COL24A1: variants seen among roughly 807,000 people sequenced by gnomAD.
The protein encoded by COL24A1 is collagen alpha-1(XXIV) chain.
COL24A1 carries 224 observed loss-of-function variants against 253.9 expected under a neutral mutation model. The ratio of observed to expected loss-of-function variants is 0.88; its 90% CI spans 0.79 to 0.99. The LOEUF is 0.99. COL24A1 is among the 50% of genes least tolerant of loss of function. The pLI is 0.00. For missense variants in COL24A1, 2,131 were observed against 2,068.5 expected, an observed-to-expected ratio of 1.03 and a Z score of -0.59; for synonymous variants, 685 against 673.7, an observed-to-expected ratio of 1.02 and a Z score of -0.26.
intron 53 of COL24A1, among the ~76,000 whole-genome samples, chr1:85,769,743 T>C (rs1282577525): frequency 6.6e-6 from 1 of 152,180 alleles, no homozygotes. Flanking sequence ...CCCCAGATCC[T>C]TCCCCTTCTC....
At chr1:85,960,190 G>T (rs1690881665) in intron 24 of COL24A1, among the ~76,000 whole-genome samples, 1 of 152,056 alleles carries the variant, frequency 6.6e-6, no homozygotes, top group Non-Finnish European at 1.5e-5. Context: ...AATTATTTAA[G>T]CCTATAAAAC....
chr1:86,133,368 G>A (rs1056018221), intron 2 of COL24A1, among the ~76,000 whole-genome samples: 1 of 152,100 alleles, frequency 6.6e-6, no homozygotes, highest in Admixed American at 6.6e-5. Flanking sequence ...GATTGCCCTG[G>A]CCAGAACTTC....
chr1:86,058,096 G>C (rs1490193814), intron 9 of COL24A1, 121 bp from the exon 10 acceptor site: 2 of 647,162 alleles, frequency 3.1e-6, no homozygotes, highest in East Asian at 6.0e-5. Context: ...TCAGAACTCT[G>C]TATAACTAAT....
intron 24 of COL24A1, among the ~76,000 whole-genome samples, chr1:85,943,540 A>T (rs995392217): frequency 2.0e-5 from 3 of 152,246 alleles, no homozygotes; most frequent in Non-Finnish European, 4.4e-5. Context: ...AAAAGTTGTG[A>T]TAAGTTAAGT....
chr1:86,108,374 A>C (rs1705196962), intron 5 of COL24A1, among the ~76,000 whole-genome samples: 1 of 152,136 alleles, frequency 6.6e-6, no homozygotes, highest in Admixed American at 6.5e-5. Flanking sequence ...CATTTTAAGA[A>C]GTCAATGAAA....
chr1:86,067,510 G>A (rs1387172718), intron 7 of COL24A1, among the ~76,000 whole-genome samples: 3 of 152,190 alleles, frequency 2.0e-5, no homozygotes, highest in African/African-American at 4.8e-5. Context: ...ATGAATGGAT[G>A]AGTGAATGAA....
intron 58 of COL24A1, chr1:85,736,649 T>C (rs1010602794): frequency 2.2e-5 from 8 of 357,390 alleles, no homozygotes; most frequent in East Asian, 7.4e-5. Flanking sequence ...GCTAAAGAGA[T>C]TGAATTTTAT....
chr1:85,841,777 T>A (rs1432202979), intron 41 of COL24A1, among the ~76,000 whole-genome samples: 2 of 152,152 alleles, frequency 1.3e-5, no homozygotes, highest in Non-Finnish European at 2.9e-5. Flanking sequence ...AATCATTTAA[T>A]CTAGAGCCTT....
intron 37 of COL24A1, among the ~76,000 whole-genome samples, chr1:85,864,399 G>A (rs1302658123): frequency 6.8e-6 from 1 of 146,742 alleles, no homozygotes; most frequent in Non-Finnish European, 1.5e-5. Flanking sequence ...GTCGTGGGAT[G>A]GGGGAGGGGG....
At chr1:85,895,318 T>A (rs1402468652) in intron 31 of COL24A1, among the ~76,000 whole-genome samples, 1 of 152,102 alleles carries the variant, frequency 6.6e-6, no homozygotes, top group African/African-American at 2.4e-5. Flanking sequence ...TGGGAAGGCA[T>A]GAAGACACAC....
rs1387024577 is a variant in COL24A1, at chr1:85,825,297, C to T, written c.3682-1559G>A. Among the ~76,000 whole-genome samples the T allele has an allele frequency of 2.6e-5, 4 of 152,038 alleles. No homozygotes were observed. The South Asian group carries it at 6.2e-4, about 24-fold the overall frequency. The stretch of plus-strand genomic sequence containing the variant: ...CATAGTATTCCATGGTGTATATGAG[C>T]CACATTTTCTTAATCCAGTCTATCA... On this transcript the variant is annotated intron_variant, in intron 43 of 59. Transcript: ENST00000370571.
chr1:86,036,228 A>G (rs935550166), intron 12 of COL24A1, among the ~76,000 whole-genome samples: 2 of 151,782 alleles, frequency 1.3e-5, no homozygotes, highest in Non-Finnish European at 2.9e-5. Flanking sequence ...TTCAAGTGAT[A>G]CCTCCTGCCT....
chr1:85,887,872 C>G (rs941718124), intron 32 of COL24A1, among the ~76,000 whole-genome samples: 1 of 151,958 alleles, frequency 6.6e-6, no homozygotes, highest in African/African-American at 2.4e-5. Context: ...TTTTTCTTTT[C>G]TCACTTCTAT....
chr1:85,768,585 T>G (rs1358605429), intron 53 of COL24A1, among the ~76,000 whole-genome samples: 11 of 112,240 alleles, frequency 9.8e-5, no homozygotes, highest in Admixed American at 4.2e-4. Context: ...AGTTCTTTTG[T>G]GCGGGGGGAG....
At position 86,125,726 on chromosome 1, in the gene COL24A1, T is replaced by C; in HGVS notation, c.610A>G (p.Thr204Ala). 6.2e-7 allele frequency: 1 copy of C among 1,610,548 alleles called. No homozygotes were observed. The highest frequency in any genetic ancestry group is 8.5e-7 in the Non-Finnish European group (1 of 1,178,234). Reference sequence around the variant, plus strand: ...GAATTATTATTCATACTTCCTAAAGTAAACACACTATTAGAATCAAAGGTC... The same window carrying C: ...GAATTATTATTCATACTTCCTAAAGCAAACACACTATTAGAATCAAAGGTC... ...VQTFDSNSVF[T>A]LGSMNNNSIH... Residue 204 changes from threonine (T) to alanine (A), a missense_variant, in exon 3 of 60, where the codon ACT becomes GCT. By Grantham distance (58) the Thr-to-Ala change is moderately conservative (BLOSUM62 0). Transcript: ENST00000370571.
At chr1:85,937,167 C>G (rs74097615) in intron 24 of COL24A1, among the ~76,000 whole-genome samples, 5,245 of 147,544 alleles carry the variant, frequency 0.036, 700 homozygotes, top group African/African-American at 0.12. Context: ...AGGCTTCTTA[C>G]GTAGGTGCAA....
At chr1:86,148,183 TTTTTGTTTTTGC>T (rs1043045367) in intron 1 of COL24A1, among the ~76,000 whole-genome samples, 1 of 150,186 alleles carries the variant, frequency 6.7e-6, no homozygotes, top group Non-Finnish European at 1.5e-5. Context: ...TTTGTTTTTG[TTTTTGTTTTTGC>T]TTTCTTGAGA....
chr1:85,845,369 A>G (rs1677054274), intron 39 of COL24A1, among the ~76,000 whole-genome samples: 1 of 151,934 alleles, frequency 6.6e-6, no homozygotes, highest in Non-Finnish European at 1.5e-5. Flanking sequence ...AAAATTCAAC[A>G]TCTACTCTTG....
At chr1:85,945,024 T>TTTTG (rs1689189856) in intron 24 of COL24A1, among the ~76,000 whole-genome samples, 1 of 115,194 alleles carries the variant, frequency 8.7e-6, no homozygotes, top group African/African-American at 3.6e-5. Context: ...TTTTTTTTTT[T>TTTTG]TTTTTTTTTT....
Sources: gnomAD v4.1 joint callset for allele counts (sites outside exome capture counted in the v4.1 genomes callset) on GRCh38, gnomAD v4.1.1 for gene constraint, MANE v1.5 for transcripts, NCBI Gene and HGNC (gene_info 2026-07-23, HGNC 2026-07-21) for gene names.